Variants in CDH12 observed in about 807,000 individuals in gnomAD.
The protein encoded by CDH12 is cadherin-12.
Under a neutral mutation model 74.1 loss-of-function variants are expected in CDH12, and 41 were observed. That is an observed-to-expected ratio of 0.55 (90% CI 0.43 to 0.72). The LOEUF (loss-of-function observed/expected upper bound fraction) is 0.72. Among genes scored for constraint, CDH12 ranks in the 30% least tolerant of loss-of-function variants. The pLI is 0.00. For missense variants in CDH12, 945 were observed against 977.2 expected (o/e 0.97, Z 0.44); for synonymous variants, 399 against 355.0 (o/e 1.12, Z -1.39).
intron 3 of CDH12, among the ~76,000 whole-genome samples, chr5:22,356,785 CA>C (rs1266152827): frequency 4.6e-5 from 7 of 152,010 alleles, no homozygotes; most frequent in African/African-American, 1.7e-4. Context: ...TCTCAAGGAC[CA>C]AATGATTCTC....
At chr5:22,831,109 T>C (rs944991837) in intron 1 of CDH12, among the ~76,000 whole-genome samples, 68 of 152,036 alleles carry the variant, frequency 4.5e-4, no homozygotes, top group Admixed American at 1.3e-3. Flanking sequence ...TTTTCTCAAA[T>C]GTTCATAGTT....
chr5:22,556,068 A>G (rs567370233), intron 1 of CDH12, among the ~76,000 whole-genome samples: 1 of 152,016 alleles, frequency 6.6e-6, no homozygotes, highest in Non-Finnish European at 1.5e-5. Context: ...AAAAAAAAAA[A>G]ATTTCAAAGA....
intron 5 of CDH12, among the ~76,000 whole-genome samples, chr5:22,012,258 A>G (rs1737341838): frequency 6.7e-6 from 1 of 149,454 alleles, no homozygotes; most frequent in South Asian, 2.2e-4. Flanking sequence ...AAACATCAAA[A>G]GAAAAAATGT....
At chr5:21,817,440 G>A (rs1748120970) in intron 8 of CDH12, among the ~76,000 whole-genome samples, 2 of 151,940 alleles carry the variant, frequency 1.3e-5, no homozygotes, top group South Asian at 4.1e-4. Context: ...CATATCAAAT[G>A]GGAGGGTGGG....
At chr5:22,425,693 A>G (rs1743900883) in intron 2 of CDH12, among the ~76,000 whole-genome samples, 1 of 151,762 alleles carries the variant, frequency 6.6e-6, no homozygotes, top group Non-Finnish European at 1.5e-5. Flanking sequence ...TTCTTAATTT[A>G]TATTACTTAT....
intron 3 of CDH12, among the ~76,000 whole-genome samples, chr5:22,359,436 C>T (rs1238232126): frequency 6.6e-6 from 1 of 152,068 alleles, no homozygotes; most frequent in South Asian, 2.1e-4. Flanking sequence ...AAAGCAAGTC[C>T]TTAGAGATCT....
chr5:22,256,121 G>T (rs902205294), intron 3 of CDH12, among the ~76,000 whole-genome samples: 1 of 152,114 alleles, frequency 6.6e-6, no homozygotes, highest in Admixed American at 6.6e-5. Flanking sequence ...CTCATATTAA[G>T]ATAGGCAAGT....
intron 1 of CDH12, among the ~76,000 whole-genome samples, chr5:22,693,758 T>TTA (rs10546591): frequency 8.3e-4 from 126 of 151,140 alleles, no homozygotes; most frequent in South Asian, 1.3e-3. Context: ...TTTATTGAAT[T>TTA]TATATATATA....
intron 6 of CDH12, among the ~76,000 whole-genome samples, chr5:21,919,846 CAG>C (rs1754272655): frequency 6.6e-6 from 1 of 152,088 alleles, no homozygotes; most frequent in South Asian, 2.1e-4. Flanking sequence ...CAGAGTTTGA[CAG>C]AGTTCTAATG....
chr5:22,776,391 TC>T (rs1393720477), intron 1 of CDH12, among the ~76,000 whole-genome samples: 1 of 152,146 alleles, frequency 6.6e-6, no homozygotes, highest in Non-Finnish European at 1.5e-5. Context: ...ATGATCCCTG[TC>T]CGTCCTTGAG....
intron 1 of CDH12, among the ~76,000 whole-genome samples, chr5:22,565,040 A>G (rs896546947): frequency 6.6e-6 from 1 of 152,022 alleles, no homozygotes; most frequent in Non-Finnish European, 1.5e-5. Flanking sequence ...GGTTTAAGTG[A>G]CTGTCCTGCC....
intron 8 of CDH12, among the ~76,000 whole-genome samples, chr5:21,838,433 G>T (rs1018740439): frequency 2.6e-5 from 4 of 152,180 alleles, no homozygotes; most frequent in Non-Finnish European, 4.4e-5. Flanking sequence ...AGTGGCAGAC[G>T]CCTGTAATCC....
intron 4 of CDH12, among the ~76,000 whole-genome samples, chr5:22,115,687 G>A (rs1051788288): frequency 8.0e-6 from 1 of 125,740 alleles, no homozygotes; most frequent in Non-Finnish European, 1.7e-5. Context: ...TGGTCCTCGC[G>A]ACTTTTTTTT....
intron 3 of CDH12, among the ~76,000 whole-genome samples, chr5:22,311,148 C>G (rs559707846): frequency 2.0e-5 from 3 of 152,060 alleles, no homozygotes; most frequent in African/African-American, 4.8e-5. Context: ...GTAACTTTCA[C>G]GCAAGTAGAG....
intron 5 of CDH12, among the ~76,000 whole-genome samples, chr5:22,076,646 C>A (rs1459971424): frequency 6.6e-6 from 1 of 152,118 alleles, no homozygotes; most frequent in Non-Finnish European, 1.5e-5. Context: ...AGGAGAACCA[C>A]ATGAAATTAT....
At chr5:21,868,275 C>CTCTTTCTTTTGTAAATTTCACCGTCCA (rs1579865833) in intron 6 of CDH12, among the ~76,000 whole-genome samples, 1 of 152,076 alleles carries the variant, frequency 6.6e-6, no homozygotes, top group Non-Finnish European at 1.5e-5. Flanking sequence ...TGTAAATTGC[C>CTCTTTCTTTTGTAAATTTCACCGTCCA]CAGTCTCCAG....
At chr5:22,262,283 A>T (rs1345437764) in intron 3 of CDH12, among the ~76,000 whole-genome samples, 1 of 97,778 alleles carries the variant, frequency 1.0e-5, no homozygotes, top group Non-Finnish European at 1.9e-5. Context: ...CCCACCCCAC[A>T]ACAGTCCCCA....
In CDH12 at chr5:21,755,798, T is replaced by G; in HGVS notation, c.1678A>C (p.Arg560=). The change falls in exon 14 of 15, where the codon AGG becomes CGG. Residue 560 remains arginine, a synonymous_variant. Coordinates refer to ENST00000382254, the MANE Select transcript of CDH12 (RefSeq NM_004061.5). The part of the protein sequence containing the change: ...IETRRNGYSR[R]QQELYFLPVV... ...GGGAGGAAATACAACTCTTGCTGCC[T>G]GCGGCTGTATCCATTTCTTCGGGTT... 1 of 1,613,986 alleles carries G rather than the reference T, an allele frequency of 6.2e-7. No individual in the cohort carries two copies. Among genetic ancestry groups the G allele is most frequent in the Admixed American group, 1.7e-5 (1 of 60,014 alleles).
rs1750577048 is a variant in CDH12, at chr5:22,195,711, A to T, written c.-187+16787T>A. On this transcript the variant is annotated intron_variant, in intron 4 of 14. Transcript: ENST00000382254. Reference sequence around the variant, plus strand: ...CAAAGGATTCTCCAACTCTCACTCTATTGCCACCAAATTTATTTCTTATGG... The same window carrying T: ...CAAAGGATTCTCCAACTCTCACTCTTTTGCCACCAAATTTATTTCTTATGG... 2.0e-5 allele frequency among the ~76,000 whole-genome samples: 3 copies of T among 152,118 alleles called. No homozygotes were observed. In the South Asian group the frequency reaches 6.2e-4, roughly 31 times the overall value.
Sources: gnomAD v4.1 joint callset for allele counts (sites outside exome capture counted in the v4.1 genomes callset) on GRCh38, gnomAD v4.1.1 for gene constraint, MANE v1.5 for transcripts, NCBI Gene and HGNC (gene_info 2026-07-23, HGNC 2026-07-21) for gene names.